CCSER1: variants seen among roughly 807,000 people sequenced by gnomAD.
The protein encoded by CCSER1 is serine-rich coiled-coil domain-containing protein 1.
In CCSER1, 41 loss-of-function variants were observed where a neutral mutation model predicts 82.0. The ratio of observed to expected loss-of-function variants is 0.50; its 90% confidence interval spans 0.39 to 0.65. The LOEUF (loss-of-function observed/expected upper bound fraction) is 0.65, where lower values mean the gene tolerates loss of function less well. CCSER1 is among the 30% of genes least tolerant of loss of function. CCSER1 has a pLI of 0.00. For synonymous variants in CCSER1, 414 were observed against 383.9 expected (o/e 1.08, Z -0.92); for missense variants, 1,119 against 1,064.2 (o/e 1.05, Z -0.72).
intron 5 of CCSER1, among the ~76,000 whole-genome samples, chr4:90,540,384 AT>A (rs1392737123): frequency 6.6e-6 from 1 of 152,076 alleles, no homozygotes; most frequent in African/African-American, 2.4e-5. Flanking sequence ...TATTATAAAA[AT>A]TTTACCTCTA....
chr4:91,203,827 A>G (rs1736126497), intron 10 of CCSER1, among the ~76,000 whole-genome samples: 1 of 151,860 alleles, frequency 6.6e-6, no homozygotes. Context: ...TGTTTTGACC[A>G]TACTGATTAC....
intron 9 of CCSER1, among the ~76,000 whole-genome samples, chr4:91,037,092 A>G (rs533494029): frequency 4.8e-4 from 73 of 152,146 alleles, no homozygotes; most frequent in African/African-American, 1.5e-3. Context: ...TAAATAAATG[A>G]ATAACTAAAT....
intron 10 of CCSER1, among the ~76,000 whole-genome samples, chr4:91,234,505 T>C (rs1199909013): frequency 1.3e-5 from 2 of 152,088 alleles, no homozygotes; most frequent in Non-Finnish European, 2.9e-5. Context: ...GAAATATTTA[T>C]ATTTTGCAGA....
At chr4:90,818,469 G>A (rs1255127037) in intron 8 of CCSER1, among the ~76,000 whole-genome samples, 1 of 151,930 alleles carries the variant, frequency 6.6e-6, no homozygotes, top group African/African-American at 2.4e-5. Context: ...GTAGAGACGA[G>A]GTTTCGCCAT....
intron 10 of CCSER1, among the ~76,000 whole-genome samples, chr4:91,349,573 T>G (rs1410386229): frequency 6.6e-6 from 1 of 152,198 alleles, no homozygotes; most frequent in Non-Finnish European, 1.5e-5. Context: ...CGTTGTATAT[T>G]TCTCATTTCC....
intron 5 of CCSER1, among the ~76,000 whole-genome samples, chr4:90,477,652 G>A (rs1245698922): frequency 6.6e-6 from 1 of 150,578 alleles, no homozygotes; most frequent in East Asian, 1.9e-4. Flanking sequence ...TTTTCCTCTG[G>A]TATATTAAGC....
intron 10 of CCSER1, among the ~76,000 whole-genome samples, chr4:91,300,867 C>A (rs1300214529): frequency 6.6e-6 from 1 of 151,822 alleles, no homozygotes; most frequent in Non-Finnish European, 1.5e-5. Context: ...TGTGTTCCAA[C>A]CAGTGTTTCA....
At chr4:90,645,453 T>G (rs1330195174) in intron 6 of CCSER1, among the ~76,000 whole-genome samples, 2 of 152,220 alleles carry the variant, frequency 1.3e-5, no homozygotes, top group African/African-American at 4.8e-5. Context: ...TTCCTTTATA[T>G]CTATACTTAT....
chr4:90,159,513 GAACACAC>G, intron 1 of CCSER1, among the ~76,000 whole-genome samples: 1 of 152,254 alleles, frequency 6.6e-6, no homozygotes, highest in South Asian at 2.1e-4. Flanking sequence ...ACTAGAGAGA[GAACACAC>G]AATATGGAAA....
intron 10 of CCSER1, among the ~76,000 whole-genome samples, chr4:91,490,827 T>C (rs1758477774): frequency 8.5e-6 from 1 of 118,016 alleles, no homozygotes; most frequent in Non-Finnish European, 1.7e-5. Context: ...TACCCTGATA[T>C]GATGATTACA....
intron 5 of CCSER1, among the ~76,000 whole-genome samples, chr4:90,621,237 T>A (rs1178162552): frequency 6.6e-6 from 1 of 152,242 alleles, no homozygotes; most frequent in Non-Finnish European, 1.5e-5. Context: ...CTGTGTTTTT[T>A]TTCTTTTTTG....
chr4:91,549,707 C>T (rs962679512), intron 10 of CCSER1, among the ~76,000 whole-genome samples: 4 of 152,018 alleles, frequency 2.6e-5, no homozygotes, highest in African/African-American at 4.8e-5. Context: ...CGTGCTGGTG[C>T]GCCTGTAATC....
intron 9 of CCSER1, among the ~76,000 whole-genome samples, chr4:91,001,807 C>T (rs1465490685): frequency 6.6e-6 from 1 of 151,954 alleles, no homozygotes; most frequent in East Asian, 1.9e-4. Context: ...CTATTTGTTG[C>T]CTGTATACCT....
At chr4:90,239,241 A>G (rs1044106990) in intron 1 of CCSER1, among the ~76,000 whole-genome samples, 2 of 152,208 alleles carry the variant, frequency 1.3e-5, no homozygotes, top group African/African-American at 4.8e-5. Context: ...AACAATAAAC[A>G]TACATCCCAT....
chr4:91,015,949 T>A (rs570975708), intron 9 of CCSER1, among the ~76,000 whole-genome samples: 1 of 152,094 alleles, frequency 6.6e-6, no homozygotes, highest in African/African-American at 2.4e-5. Flanking sequence ...ATGTGAAAAA[T>A]TATGTAGGCT....
chr4:90,438,395 T>C (rs930722895), intron 4 of CCSER1, among the ~76,000 whole-genome samples: 2 of 152,184 alleles, frequency 1.3e-5, no homozygotes, highest in African/African-American at 4.8e-5. Context: ...CATTATTTTA[T>C]AGTTTCACTT....
At chr4:90,793,633 T>C (rs1249528686) in intron 7 of CCSER1, among the ~76,000 whole-genome samples, 1 of 152,208 alleles carries the variant, frequency 6.6e-6, no homozygotes, top group Non-Finnish European at 1.5e-5. Flanking sequence ...GCAATGAACA[T>C]ATGTGTGCAT....
intron 10 of CCSER1, among the ~76,000 whole-genome samples, chr4:91,153,003 C>T (rs1349555670): frequency 3.3e-5 from 5 of 151,904 alleles, no homozygotes; most frequent in Non-Finnish European, 1.5e-5. Context: ...AGTTGCTCTT[C>T]TCAAGGAGTA....
In CCSER1 at chr4:90,332,806, AAAGT is replaced by A. The variant is rs776145821; in HGVS notation, c.1509+19765_1509+19768del. 2.2e-4 allele frequency among the ~76,000 whole-genome samples: 33 copies of A among 152,296 alleles called. No individual in the cohort carries two copies. In the South Asian group the frequency reaches 2.7e-3, roughly 12 times the overall value. On this transcript the variant is annotated intron_variant, in intron 3 of 10. Coordinates refer to ENST00000509176, the MANE Select transcript of CCSER1 (RefSeq NM_001145065.2). ...GAAGAAGGATATTCTCTTACATCAGAAAGTAAGTATCAAAATCTGCAAATTTAAC... is the reference window on the plus strand; with the variant it reads ...GAAGAAGGATATTCTCTTACATCAGAAAGTATCAAAATCTGCAAATTTAAC...
Sources: allele counts gnomAD v4.1 joint callset (sites outside exome capture counted in the v4.1 genomes callset), GRCh38; gene constraint gnomAD v4.1.1; transcripts MANE v1.5; gene names NCBI Gene and HGNC (gene_info 2026-07-23, HGNC 2026-07-21).